SCN10A: variants seen among roughly 807,000 people sequenced by gnomAD.
SCN10A encodes the protein sodium voltage-gated channel alpha subunit 10.
In SCN10A, 162 loss-of-function variants were observed where a neutral mutation model predicts 170.7. The ratio of observed to expected loss-of-function variants is 0.95; its 90% CI spans 0.84 to 1.08. The LOEUF (loss-of-function observed/expected upper bound fraction) is 1.08, where lower values mean the gene tolerates loss of function less well. SCN10A is among the 50% of genes least tolerant of loss of function. The pLI is 0.00. For missense variants in SCN10A, 2,527 were observed against 2,436.9 expected (o/e 1.04, Z -0.78); for synonymous variants, 985 against 904.6 (o/e 1.09, Z -1.59).
intron 2 of SCN10A, among the ~76,000 whole-genome samples, chr3:38,793,214 A>G (rs1220804143): frequency 1.1e-4 from 16 of 152,202 alleles, no homozygotes; most frequent in Non-Finnish European, 1.2e-4. Flanking sequence ...TATATTCACC[A>G]ATGTATGATC....
rs6599240 is a variant in SCN10A at position 38,697,226 on chromosome 3, G to A, written c.*123C>T. 652,151 of 1,470,942 alleles carry A rather than the reference G, an allele frequency of 0.44. 147,134 individuals are homozygous for A. The highest frequency in any genetic ancestry group is 0.48 in the Middle Eastern group (1,917 of 3,970). 91.1% of individuals were successfully genotyped at this position (1,470,942 alleles called of 1,614,324 possible). ...CCAGTTGCATTCCCTGCCCAGTTCT[G>A]ACATTGTGACCAGTGGCATGCATTG... On this transcript the variant is annotated 3_prime_UTR_variant, in exon 28 of 28. Coordinates refer to ENST00000449082, the MANE Select transcript of SCN10A (RefSeq NM_006514.4).
chr3:38,798,425 G>A (rs933438002), intron 1 of SCN10A, among the ~76,000 whole-genome samples: 1 of 152,180 alleles, frequency 6.6e-6, no homozygotes, highest in African/African-American at 2.4e-5. Context: ...TGAGCAAGGT[G>A]CAGATAGTGA....
rs6795880 is a variant in SCN10A, at chr3:38,718,948, G to T, written c.3508-122C>A. Reference sequence around the variant, plus strand: ...TCCCTGGAAGGGGATTTGGTAGTCAGCTTGCCAGTAGCATTTTGTTTGCTG... The same window carrying T: ...TCCCTGGAAGGGGATTTGGTAGTCATCTTGCCAGTAGCATTTTGTTTGCTG... On this transcript the variant is annotated intron_variant, in intron 20 of 27. Coordinates refer to ENST00000449082, the MANE Select transcript of SCN10A (RefSeq NM_006514.4). 1.1e-3 allele frequency: 907 copies of T among 861,384 alleles called. 4 individuals carry two copies. In the African/African-American group the frequency reaches 0.013, roughly 12 times the overall value. 53.4% of individuals were successfully genotyped at this position (861,384 alleles called of 1,614,324 possible).
chr3:38,736,630 G>A (rs1179286737), intron 15 of SCN10A, among the ~76,000 whole-genome samples: 1 of 152,060 alleles, frequency 6.6e-6, no homozygotes, highest in Non-Finnish European at 1.5e-5. Flanking sequence ...AACGCAAAGA[G>A]GCAGAGGGAA....
chr3:38,768,509 T>A (rs4629274), intron 5 of SCN10A, among the ~76,000 whole-genome samples: 138,256 of 152,214 alleles, frequency 0.91, 63,096 homozygotes, highest in Non-Finnish European at 0.95. Context: ...GCTTAGTTTC[T>A]CTTCATACAA....
intron 5 of SCN10A, among the ~76,000 whole-genome samples, chr3:38,770,845 T>C (rs1192361846): frequency 2.0e-5 from 3 of 152,182 alleles, no homozygotes; most frequent in Non-Finnish European, 4.4e-5. Context: ...CAGGGATGGA[T>C]TCCCTGGTCT....
At chr3:38,810,682 G>C (rs978193674) in intron 1 of SCN10A, among the ~76,000 whole-genome samples, 10 of 152,130 alleles carry the variant, frequency 6.6e-5, no homozygotes, top group African/African-American at 2.2e-4. Flanking sequence ...AGTTCTATAA[G>C]TTCTATGAGG....
At chr3:38,726,519 C>T (rs2063456579) in intron 17 of SCN10A, 87 bp downstream of exon 17, 1 of 1,094,506 alleles carries the variant, frequency 9.1e-7, no homozygotes, top group Admixed American at 2.4e-5. Flanking sequence ...GTCAAGGTCT[C>T]CTCTGCATTT....
rs553913580 is a variant in SCN10A at position 38,760,741 on chromosome 3, A to C, written c.890T>G (p.Ile297Ser). Residue 297 changes from isoleucine to serine, a missense_variant, in exon 8 of 28, where the codon ATC becomes AGC. Transcript: ENST00000449082. ...AGAAGTGCCTCGCTTATTTATGTAG[A>C]TATCTGCTGAAGAAAGGAAGAAAAG... ...TNYSSHRKPD[I>S]YINKRGTSDP... 1.2e-6 allele frequency: 2 copies of C among 1,613,622 alleles called. No individual in the cohort carries two copies. The highest frequency in any genetic ancestry group is 2.2e-5 in the East Asian group (1 of 44,856).
In SCN10A at chr3:38,712,347, G is replaced by A. The variant is rs1023062862; in HGVS notation, c.3903C>T (p.Asn1301=). The A allele has an allele frequency of 1.2e-6, 2 of 1,614,186 alleles. No individual in the cohort carries two copies. Among genetic ancestry groups the A allele is most frequent in the African/African-American group, 1.3e-5 (1 of 75,036 alleles). The change falls in exon 23 of 28, where the codon AAC becomes AAT. Residue 1301 remains asparagine (N), a synonymous_variant. Transcript: ENST00000449082. ...ACCTCCAAAACTTCCCTGCGAAGAGGTTCACACCCATGATGCTGAAGATGA... is the reference window on the plus strand; with the variant it reads ...ACCTCCAAAACTTCCCTGCGAAGAGATTCACACCCATGATGCTGAAGATGA... ...FWLIFSIMGV[N]LFAGKFWRCI...
intron 26 of SCN10A, among the ~76,000 whole-genome samples, chr3:38,703,589 C>T (rs762181334): frequency 7.9e-5 from 12 of 152,190 alleles, no homozygotes; most frequent in Non-Finnish European, 1.8e-4. Context: ...TCTGATATTG[C>T]CTAGTACCCT....
Position 38,816,108 on chromosome 3 carries a change from G to A in SCN10A, c.-104C>T, listed in dbSNP as rs895100090. On this transcript the variant is annotated 5_prime_UTR_variant, in exon 1 of 28. Coordinates refer to ENST00000449082, the MANE Select transcript of SCN10A (RefSeq NM_006514.4). ...CTTCTATCCCAGATTGCCTCTACTG[G>A]AGACCACGAGCTCCTGGAACATACG... 1 of 152,132 alleles carries A rather than the reference G, an allele frequency of 6.6e-6. No homozygotes were observed. Among genetic ancestry groups the A allele is most frequent in the Non-Finnish European group, 1.5e-5 (1 of 68,030 alleles). 9.4% of individuals were successfully genotyped at this position (152,132 alleles called of 1,614,324 possible).
chr3:38,755,636 G>T, intron 11 of SCN10A, 152 bp downstream of exon 11: 1 of 809,566 alleles, frequency 1.2e-6, no homozygotes, highest in Non-Finnish European at 2.0e-6. Context: ...CACTTTCCTA[G>T]TTTAAGACAC....
intron 26 of SCN10A, among the ~76,000 whole-genome samples, chr3:38,703,168 C>A (rs73825864): frequency 0.014 from 2,080 of 152,276 alleles, 15 homozygotes; most frequent in African/African-American, 0.021. Context: ...GCTTTGCCAC[C>A]TAGTTTTGTC....
At chr3:38,749,817 C>A (rs908536252) in intron 13 of SCN10A, among the ~76,000 whole-genome samples, 5 of 152,160 alleles carry the variant, frequency 3.3e-5, no homozygotes, top group Admixed American at 3.3e-4. Flanking sequence ...GTGATGCATG[C>A]AAAGCAGATG....
intron 4 of SCN10A, among the ~76,000 whole-genome samples, chr3:38,777,154 G>T (rs1201645617): frequency 6.6e-6 from 1 of 151,868 alleles, no homozygotes; most frequent in Admixed American, 6.6e-5. Context: ...CTTGTTGAAG[G>T]TCCCGGCCAA....
chr3:38,752,803 T>C (rs1485522516), intron 11 of SCN10A, among the ~76,000 whole-genome samples: 1 of 152,206 alleles, frequency 6.6e-6, no homozygotes, highest in Non-Finnish European at 1.5e-5. Context: ...GGAAACCTTG[T>C]CACCTGGATA....
intron 6 of SCN10A, among the ~76,000 whole-genome samples, chr3:38,761,866 A>AAG (rs1191382328): frequency 6.6e-5 from 8 of 121,986 alleles, no homozygotes; most frequent in Admixed American, 3.3e-4. Context: ...GAGAGAGAGA[A>AAG]AGAGAGAGAG....
intron 6 of SCN10A, among the ~76,000 whole-genome samples, chr3:38,761,837 T>TGAGA (rs772881421): frequency 2.4e-4 from 35 of 144,744 alleles, no homozygotes; most frequent in Admixed American, 1.1e-3. Context: ...TGTGTGTGTG[T>TGAGA]GAGAGAGAGA....
Sources: gnomAD v4.1 joint callset for allele counts (sites outside exome capture counted in the v4.1 genomes callset) on GRCh38, gnomAD v4.1.1 for gene constraint, MANE v1.5 for transcripts, NCBI Gene and HGNC (gene_info 2026-07-23, HGNC 2026-07-21) for gene names.